PRKN: variants seen among roughly 807,000 people sequenced by gnomAD.
PRKN encodes parkin RBR E3 ubiquitin protein ligase, also known as E3 ubiquitin-protein ligase parkin.
A neutral mutation model predicts 59.5 loss-of-function variants in PRKN; 56 were observed. The ratio of observed to expected loss-of-function variants is 0.94; its 90% CI spans 0.76 to 1.18. The LOEUF (loss-of-function observed/expected upper bound fraction) is 1.18, where lower values mean the gene tolerates loss of function less well. PRKN is among the 50% of genes most tolerant of loss of function. The pLI is 0.00. For missense variants in PRKN, 657 were observed against 596.4 expected, an observed-to-expected ratio of 1.10 and a Z score of -1.06; for synonymous variants, 250 against 222.1, an observed-to-expected ratio of 1.13 and a Z score of -1.12.
At chr6:161,430,439 C>T (rs776856040) in intron 9 of PRKN, among the ~76,000 whole-genome samples, 48 of 152,152 alleles carry the variant, frequency 3.2e-4, no homozygotes, top group Non-Finnish European at 5.7e-4. Context: ...AATTGCTTAA[C>T]CTGTTCTCTC....
intron 1 of PRKN, among the ~76,000 whole-genome samples, chr6:162,682,163 C>T (rs1172309048): frequency 1.3e-5 from 2 of 152,038 alleles, no homozygotes; most frequent in East Asian, 3.8e-4. Flanking sequence ...TTCAGCCATA[C>T]AAGTGCATAT....
chr6:161,675,657 CT>C (rs1213836155), intron 7 of PRKN, among the ~76,000 whole-genome samples: 2 of 152,120 alleles, frequency 1.3e-5, no homozygotes, highest in African/African-American at 4.8e-5. Flanking sequence ...GCCGTTTTGT[CT>C]TTTTCTCCTC....
At chr6:162,319,753 G>A (rs1195326332) in intron 2 of PRKN, among the ~76,000 whole-genome samples, 1 of 151,924 alleles carries the variant, frequency 6.6e-6, no homozygotes, top group African/African-American at 2.4e-5. Flanking sequence ...GAAATTAAGA[G>A]AGACAAATTG....
At chr6:162,349,438 A>T (rs942824115) in intron 2 of PRKN, among the ~76,000 whole-genome samples, 3 of 152,150 alleles carry the variant, frequency 2.0e-5, no homozygotes, top group African/African-American at 7.2e-5. Context: ...CTGCACTCCA[A>T]CCTGGGCAAG....
chr6:162,339,939 GCATGCTCGTTAAGAGT>G (rs1264729292), intron 2 of PRKN, among the ~76,000 whole-genome samples: 2 of 148,890 alleles, frequency 1.3e-5, no homozygotes, highest in East Asian at 3.9e-4. Context: ...CTTGAAGGCA[GCATGCTCGTTAAGAGT>G]CATCACCAAT....
At chr6:161,433,728 A>G (rs1440429161) in intron 9 of PRKN, among the ~76,000 whole-genome samples, 1 of 152,068 alleles carries the variant, frequency 6.6e-6, no homozygotes, top group African/African-American at 2.4e-5. Context: ...AATATTTGTC[A>G]GTATTAGGCT....
chr6:162,491,850 CA>C (rs1792831543), intron 1 of PRKN, among the ~76,000 whole-genome samples: 1 of 152,160 alleles, frequency 6.6e-6, no homozygotes, highest in South Asian at 2.1e-4. Context: ...CACTCCTGAG[CA>C]AAAGTATCCT....
intron 1 of PRKN, among the ~76,000 whole-genome samples, chr6:162,528,392 T>C (rs780037182): frequency 6.6e-6 from 1 of 151,568 alleles, no homozygotes; most frequent in Non-Finnish European, 1.5e-5. Flanking sequence ...CAAGTTATAA[T>C]AGAAGAGCAA....
chr6:162,291,013 T>C (rs1781404192), intron 2 of PRKN, among the ~76,000 whole-genome samples: 1 of 152,168 alleles, frequency 6.6e-6, no homozygotes, highest in Non-Finnish European at 1.5e-5. Context: ...GATAACTGTG[T>C]GTACTTATAA....
intron 1 of PRKN, among the ~76,000 whole-genome samples, chr6:162,547,230 A>T (rs949607533): frequency 1.3e-5 from 2 of 152,210 alleles, no homozygotes; most frequent in Non-Finnish European, 2.9e-5. Context: ...AACCAGAAGA[A>T]CAAAACAAAC....
chr6:161,614,012 G>A (rs1369271291), intron 7 of PRKN, among the ~76,000 whole-genome samples: 1 of 152,154 alleles, frequency 6.6e-6, no homozygotes, highest in Non-Finnish European at 1.5e-5. Flanking sequence ...TAGGGATGTA[G>A]GATTGAGGTC....
intron 1 of PRKN, among the ~76,000 whole-genome samples, chr6:162,559,813 T>C (rs185210007): frequency 1.3e-5 from 2 of 151,544 alleles, no homozygotes; most frequent in African/African-American, 4.8e-5. Flanking sequence ...TGATATTTTG[T>C]TGATGGAGAT....
intron 4 of PRKN, among the ~76,000 whole-genome samples, chr6:162,174,066 G>A (rs1783418567): frequency 6.6e-6 from 1 of 152,144 alleles, no homozygotes; most frequent in Non-Finnish European, 1.5e-5. Context: ...GAGAGGGCAG[G>A]AAGGAATAAA....
At chr6:162,078,713 T>C (rs1463904269) in intron 4 of PRKN, among the ~76,000 whole-genome samples, 1 of 151,976 alleles carries the variant, frequency 6.6e-6, no homozygotes, top group African/African-American at 2.4e-5. Context: ...AAGAAAACTA[T>C]AAATAATGTA....
At chr6:161,491,514 T>G (rs573960087) in intron 9 of PRKN, among the ~76,000 whole-genome samples, 1 of 152,270 alleles carries the variant, frequency 6.6e-6, no homozygotes, top group South Asian at 2.1e-4. Context: ...ATCCACTCTC[T>G]GCACCTTTCA....
intron 2 of PRKN, among the ~76,000 whole-genome samples, chr6:162,416,240 T>A (rs570251209): frequency 5.9e-5 from 9 of 152,186 alleles, no homozygotes; most frequent in Non-Finnish European, 1.3e-4. Context: ...ATTTTTTAAA[T>A]CCTCATTTAA....
intron 1 of PRKN, among the ~76,000 whole-genome samples, chr6:162,656,471 C>T (rs991539794): frequency 2.0e-5 from 3 of 152,136 alleles, no homozygotes; most frequent in Non-Finnish European, 4.4e-5. Flanking sequence ...ATTATTTAAG[C>T]TAAAAGGTGT....
intron 6 of PRKN, among the ~76,000 whole-genome samples, chr6:161,950,546 A>G (rs1263543134): frequency 6.6e-6 from 1 of 152,170 alleles, no homozygotes; most frequent in Admixed American, 6.5e-5. Context: ...CTCAGTCTCA[A>G]AAAAAGTGGT....
chr6:162,537,121 G>A (rs1280354532), intron 1 of PRKN, among the ~76,000 whole-genome samples: 2 of 152,172 alleles, frequency 1.3e-5, no homozygotes, highest in African/African-American at 4.8e-5. Context: ...TACAGAGAAG[G>A]CTGAGATGAC....
Sources: gnomAD v4.1 joint callset for allele counts (sites outside exome capture counted in the v4.1 genomes callset) on GRCh38, gnomAD v4.1.1 for gene constraint, MANE v1.5 for transcripts, NCBI Gene and HGNC (gene_info 2026-07-23, HGNC 2026-07-21) for gene names.